NFIL3: variants seen among roughly 807,000 people sequenced by gnomAD.
NFIL3 encodes nuclear factor interleukin-3-regulated protein.
In NFIL3, 5 loss-of-function variants were observed where a neutral mutation model predicts 10.0. The observed-to-expected ratio is 0.50, with a 90% CI of 0.26 to 1.06. The LOEUF (loss-of-function observed/expected upper bound fraction) is 1.06, where lower values mean the gene tolerates loss of function less well. Ranked by LOEUF, NFIL3 falls within the 50% of genes least tolerant of loss-of-function variation. NFIL3 has a pLI of 0.13. For missense variants in NFIL3, 436 were observed against 547.6 expected (o/e 0.80, Z 2.03); for synonymous variants, 202 against 206.5 (o/e 0.98, Z 0.19).
upstream of NFIL3, chr9:91,426,979 G>C (rs1421883828): frequency 1.3e-5 from 2 of 151,976 alleles, no homozygotes; most frequent in East Asian, 1.9e-4. Flanking sequence ...GTGGCAAAAA[G>C]AAAGTGACCC....
the NFIL3 span, among the ~76,000 whole-genome samples, chr9:91,467,332 GT>G: frequency 1.3e-5 from 2 of 151,736 alleles, no homozygotes; most frequent in Non-Finnish European, 2.9e-5. Context: ...TTTCAGTTTT[GT>G]TTCTCTGGAA....
At chr9:91,447,002 G>A in the NFIL3 span, among the ~76,000 whole-genome samples, 1 of 152,070 alleles carries the variant, frequency 6.6e-6, no homozygotes, top group Admixed American at 6.6e-5. Context: ...TTTTAGTAGA[G>A]GCGGGGTTTC....
chr9:91,437,185 G>T, the NFIL3 span, among the ~76,000 whole-genome samples: 2 of 152,188 alleles, frequency 1.3e-5, no homozygotes, highest in Non-Finnish European at 2.9e-5. Flanking sequence ...ATCAGTACCG[G>T]TCTGTGGCCT....
upstream of NFIL3, chr9:91,426,334 T>C (rs1258818656): frequency 6.6e-6 from 1 of 152,214 alleles, no homozygotes; most frequent in Non-Finnish European, 1.5e-5. Context: ...GGATGAAGGA[T>C]CTGTCCCCAG....
chr9:91,479,053 G>A, the NFIL3 span, among the ~76,000 whole-genome samples: 2 of 152,146 alleles, frequency 1.3e-5, no homozygotes, highest in Non-Finnish European at 2.9e-5. Context: ...GATGCCAGCC[G>A]GAGCTCTCCT....
the NFIL3 span, among the ~76,000 whole-genome samples, chr9:91,437,643 C>G: frequency 6.6e-6 from 1 of 152,168 alleles, no homozygotes; most frequent in Non-Finnish European, 1.5e-5. Flanking sequence ...GTCCTCTGAC[C>G]TACATCTCCC....
intron 1 of NFIL3, among the ~76,000 whole-genome samples, chr9:91,416,026 T>C (rs1192354436): frequency 6.6e-6 from 1 of 152,232 alleles, no homozygotes; most frequent in Non-Finnish European, 1.5e-5. Context: ...TCTGGCACTA[T>C]TTATGAATTG....
At chr9:91,471,576 A>C in the NFIL3 span, among the ~76,000 whole-genome samples, 1 of 150,514 alleles carries the variant, frequency 6.6e-6, no homozygotes, top group Non-Finnish European at 1.5e-5. Flanking sequence ...GGTTTGTTAC[A>C]TATGTATACA....
At chr9:91,464,193 C>T in the NFIL3 span, among the ~76,000 whole-genome samples, 23 of 151,980 alleles carry the variant, frequency 1.5e-4, no homozygotes, top group African/African-American at 5.5e-4. Flanking sequence ...TTTATATTTG[C>T]TGTATTTTTT....
At chr9:91,437,344 T>C in the NFIL3 span, among the ~76,000 whole-genome samples, 24 of 152,396 alleles carry the variant, frequency 1.6e-4, no homozygotes, top group African/African-American at 5.5e-4. Context: ...GGAATACATA[T>C]ATAACAAAAT....
At chr9:91,444,571 C>T in the NFIL3 span, among the ~76,000 whole-genome samples, 2 of 152,170 alleles carry the variant, frequency 1.3e-5, no homozygotes, top group South Asian at 4.1e-4. Context: ...AAACTTTACA[C>T]AGTGGCTTTT....
intron 1 of NFIL3, among the ~76,000 whole-genome samples, chr9:91,417,465 C>T (rs1833677815): frequency 6.6e-6 from 1 of 152,034 alleles, no homozygotes; most frequent in South Asian, 2.1e-4. Context: ...ATATGTTAAC[C>T]CTACATTTTC....
chr9:91,439,263 GA>G, the NFIL3 span, among the ~76,000 whole-genome samples: 6 of 151,860 alleles, frequency 4.0e-5, no homozygotes, highest in Non-Finnish European at 8.8e-5. Context: ...ATTTTCTTTT[GA>G]TGCTACTGTA....
At chr9:91,422,135 A>G (rs1414888974) in intron 1 of NFIL3, among the ~76,000 whole-genome samples, 2 of 152,248 alleles carry the variant, frequency 1.3e-5, no homozygotes, top group Non-Finnish European at 2.9e-5. Context: ...AGAGAACAGC[A>G]GTTTCCTAAA....
the NFIL3 span, among the ~76,000 whole-genome samples, chr9:91,444,891 G>A: frequency 9.9e-5 from 15 of 152,118 alleles, no homozygotes; most frequent in African/African-American, 3.6e-4. Flanking sequence ...GCCTGACATG[G>A]CCCACAGGTA....
chr9:91,419,905 A>C (rs1163815630), intron 1 of NFIL3, among the ~76,000 whole-genome samples: 1 of 152,184 alleles, frequency 6.6e-6, no homozygotes, highest in Non-Finnish European at 1.5e-5. Context: ...GACTGGCCTT[A>C]GTTTTCAGGC....
chr9:91,409,606 A>G lies in NFIL3; in HGVS notation c.1129T>C (p.Ser377Pro), dbSNP rs1397504547. ...KHSAPSMVHSSLTPFSVQVTN... is the reference protein window; with the variant it reads ...KHSAPSMVHSPLTPFSVQVTN... ...ACTTGCACTGAGAAAGGAGTAAGAG[A>G]AGAATGTACCATACTTGGGGCACTA... The change falls in exon 2 of 2, where the codon TCT becomes CCT. Residue 377 changes from serine to proline, a missense_variant. Transcript: ENST00000297689. The G allele has an allele frequency of 2.5e-6, 4 of 1,614,100 alleles. No homozygotes were observed. In the African/African-American group the frequency reaches 5.3e-5, roughly 22 times the overall value.
At chr9:91,472,426 CTT>C in the NFIL3 span, among the ~76,000 whole-genome samples, 1 of 152,198 alleles carries the variant, frequency 6.6e-6, no homozygotes, top group Admixed American at 6.5e-5. Context: ...TTTCTCTAAA[CTT>C]CTCTTCTCGC....
At chr9:91,435,975 G>A in the NFIL3 span, among the ~76,000 whole-genome samples, 16 of 152,108 alleles carry the variant, frequency 1.1e-4, no homozygotes, top group Non-Finnish European at 1.6e-4. Context: ...GCTAATATGA[G>A]CAGAACAGTA....
Sources: gnomAD v4.1 joint callset for allele counts (sites outside exome capture counted in the v4.1 genomes callset) on GRCh38, gnomAD v4.1.1 for gene constraint, MANE v1.5 for transcripts, NCBI Gene and HGNC (gene_info 2026-07-23, HGNC 2026-07-21) for gene names.